The following ADSS2 variants were observed in gnomAD, a reference collection of about 807,000 sequenced individuals.
ADSS2 encodes adenylosuccinate synthetase isozyme 2.
Under a neutral mutation model 60.0 loss-of-function variants are expected in ADSS2, and 30 were observed. The observed-to-expected ratio is 0.50, with a 90% CI of 0.37 to 0.68. The LOEUF (loss-of-function observed/expected upper bound fraction) is 0.68, where lower values mean the gene tolerates loss of function less well. Ranked by LOEUF, ADSS2 falls within the 30% of genes least tolerant of loss-of-function variation. ADSS2 has a pLI of 0.00. For missense variants in ADSS2, 373 were observed against 554.8 expected (o/e 0.67, Z 3.29); for synonymous variants, 187 against 193.1 (o/e 0.97, Z 0.26).
chr1:244,451,707 C>T lies in ADSS2; in HGVS notation c.111G>A (p.Gln37=), dbSNP rs752503983. The change falls in exon 1 of 13, where the codon CAG becomes CAA. Residue 37 remains glutamine (Q), a synonymous_variant. Coordinates refer to ENST00000366535, the MANE Select transcript of ADSS2 (RefSeq NM_001126.5). The surrounding 1 kb of genome is among the most constrained non-coding windows in gnomAD (Gnocchi z 6.6). The part of the protein sequence containing the change: ...GNRVTVVLGA[Q]WGDEGKGKVV... The stretch of plus-strand genomic sequence containing the variant: ...CCTTCCCTTTGCCTTCGTCGCCCCA[C>T]TGCGCACCGAGCACCACCGTCACCC... 9 of 1,612,398 alleles carry T rather than the reference C, an allele frequency of 5.6e-6. No individual in the cohort carries two copies. The highest frequency in any genetic ancestry group is 7.6e-6 in the Non-Finnish European group (9 of 1,179,388).
chr1:244,413,702 G>A (rs1664467792), intron 11 of ADSS2, among the ~76,000 whole-genome samples: 2 of 152,164 alleles, frequency 1.3e-5, no homozygotes, highest in African/African-American at 4.8e-5. Flanking sequence ...CAGGTAAAGA[G>A]CAGGACCATC....
intron 1 of ADSS2, among the ~76,000 whole-genome samples, chr1:244,447,513 A>T (rs574543856): frequency 4.7e-4 from 71 of 152,302 alleles, no homozygotes; most frequent in Non-Finnish European, 9.0e-4. Flanking sequence ...CATTGACCGA[A>T]CATTGAGATT....
At chr1:244,415,889 T>C (rs1318867250) in intron 11 of ADSS2, 92 bp downstream of exon 11, 1 of 922,708 alleles carries the variant, frequency 1.1e-6, no homozygotes, top group African/African-American at 1.7e-5. Context: ...AACCTGTCGC[T>C]ATCTATCACA....
chr1:244,433,732 C>T (rs1020197683), intron 3 of ADSS2, among the ~76,000 whole-genome samples: 22 of 151,580 alleles, frequency 1.5e-4, no homozygotes, highest in African/African-American at 4.4e-4. Flanking sequence ...TGATGGCGGG[C>T]GCCTGTAATC....
At chr1:244,412,860 C>T (rs546728737) in intron 11 of ADSS2, among the ~76,000 whole-genome samples, 6 of 152,298 alleles carry the variant, frequency 3.9e-5, no homozygotes, top group African/African-American at 1.4e-4. Flanking sequence ...GGTCCCATTA[C>T]TTCCTATTAA....
chr1:244,427,055 A>C (rs1664823504), intron 4 of ADSS2, among the ~76,000 whole-genome samples: 1 of 152,158 alleles, frequency 6.6e-6, no homozygotes, highest in East Asian at 1.9e-4. Context: ...TGGATTTCAT[A>C]TTTAAATTTT....
At chr1:244,431,384 ATCTATG>A (rs1664940949) in intron 4 of ADSS2, among the ~76,000 whole-genome samples, 1 of 152,150 alleles carries the variant, frequency 6.6e-6, no homozygotes, top group African/African-American at 2.4e-5. Flanking sequence ...TTGGTTATGC[ATCTATG>A]CCATTAATAA....
chr1:244,450,578 G>A (rs1227213685), intron 1 of ADSS2, among the ~76,000 whole-genome samples: 1 of 152,230 alleles, frequency 6.6e-6, no homozygotes, highest in Non-Finnish European at 1.5e-5. Context: ...TGCCATGCAT[G>A]TTCAAAAACA....
chr1:244,432,722 GGTGT>G, intron 3 of ADSS2, 127 bp from the exon 4 acceptor site: 6 of 546,230 alleles, frequency 1.1e-5, no homozygotes, highest in Non-Finnish European at 1.5e-5. Flanking sequence ...GGAGTGCAGT[GGTGT>G]GATCTCGGCT....
intron 11 of ADSS2, among the ~76,000 whole-genome samples, chr1:244,413,508 A>T (rs943891890): frequency 1.3e-5 from 2 of 152,206 alleles, no homozygotes; most frequent in African/African-American, 4.8e-5. Context: ...CCATTTCCTG[A>T]CCACAGTTCA....
intron 2 of ADSS2, 46 bp downstream of exon 2, chr1:244,437,620 C>T (rs772952978): frequency 7.6e-7 from 1 of 1,310,872 alleles, no homozygotes; most frequent in Non-Finnish European, 1.1e-6. Context: ...ACGCCATTAT[C>T]AACTGGTGGG....
At chr1:244,414,648 C>A (rs983941662) in intron 11 of ADSS2, among the ~76,000 whole-genome samples, 1 of 152,216 alleles carries the variant, frequency 6.6e-6, no homozygotes, top group Non-Finnish European at 1.5e-5. Flanking sequence ...GGAAAGACAA[C>A]AACCAGAATC....
chr1:244,436,026 GAT>G (rs1167559612), intron 3 of ADSS2, among the ~76,000 whole-genome samples: 1 of 152,178 alleles, frequency 6.6e-6, no homozygotes, highest in East Asian at 1.9e-4. Flanking sequence ...GCATGGAAAA[GAT>G]ATATGAAAGC....
At chr1:244,424,688 C>CT (rs1281600748) in intron 4 of ADSS2, 3 of 246,712 alleles carry the variant, frequency 1.2e-5, no homozygotes, top group African/African-American at 6.9e-5. Flanking sequence ...CAAAAATACT[C>CT]TTTTTTCTTC....
intron 1 of ADSS2, among the ~76,000 whole-genome samples, chr1:244,450,230 T>C (rs988782971): frequency 6.6e-6 from 1 of 152,208 alleles, no homozygotes; most frequent in Non-Finnish European, 1.5e-5. Context: ...CCTAAGAAAG[T>C]GCGGGGCAGG....
rs1029164983 is a variant in ADSS2 at position 244,409,254 on chromosome 1, T to C, written c.*332A>G. On this transcript the variant is annotated 3_prime_UTR_variant, in exon 13 of 13. Coordinates refer to ENST00000366535, the MANE Select transcript of ADSS2 (RefSeq NM_001126.5). ...AAAACTTAAGAACACGCAATGACAATAATGAAGAAAAACTACATTAAAAGT... is the reference window on the plus strand; with the variant it reads ...AAAACTTAAGAACACGCAATGACAACAATGAAGAAAAACTACATTAAAAGT... 4.5e-5 allele frequency: 9 copies of C among 200,608 alleles called. No individual in the cohort carries two copies. The highest frequency in any genetic ancestry group is 7.0e-5 in the African/African-American group (3 of 43,056). 12.4% of individuals were successfully genotyped at this position (200,608 alleles called of 1,614,324 possible). A position where few individuals can be genotyped will look rare whatever the true frequency, so the allele number is the denominator to read the frequency against.
At chr1:244,427,727 T>G (rs1664840493) in intron 4 of ADSS2, among the ~76,000 whole-genome samples, 2 of 152,170 alleles carry the variant, frequency 1.3e-5, no homozygotes, top group South Asian at 4.1e-4. Flanking sequence ...AAAAGGATAT[T>G]GTGGTATTAA....
chr1:244,447,334 T>G, intron 1 of ADSS2, among the ~76,000 whole-genome samples: 1 of 152,182 alleles, frequency 6.6e-6, no homozygotes, highest in Non-Finnish European at 1.5e-5. Flanking sequence ...CAGTTTTTCT[T>G]AGAGATACTT....
intron 4 of ADSS2, among the ~76,000 whole-genome samples, chr1:244,431,911 T>C (rs922929025): frequency 6.6e-6 from 1 of 152,216 alleles, no homozygotes; most frequent in Non-Finnish European, 1.5e-5. Context: ...GTGTTAAAAC[T>C]AGAGCAGCTA....
Sources: gnomAD v4.1 joint callset for allele counts (sites outside exome capture counted in the v4.1 genomes callset) on GRCh38, gnomAD v4.1.1 for gene constraint, Gnocchi (gnomAD v3.1) non-coding constraint, MANE v1.5 for transcripts, NCBI Gene and HGNC (gene_info 2026-07-23, HGNC 2026-07-21) for gene names.